PRRC2C: variants seen among roughly 807,000 people sequenced by gnomAD.
PRRC2C encodes protein PRRC2C.
Under a neutral mutation model 317.2 loss-of-function variants are expected in PRRC2C, and 72 were observed. The observed-to-expected ratio is 0.23, with a 90% CI of 0.19 to 0.28. The LOEUF (loss-of-function observed/expected upper bound fraction) is 0.28, where lower values mean the gene tolerates loss of function less well. Ranked by LOEUF, PRRC2C falls within the 10% of genes least tolerant of loss-of-function variation. PRRC2C has a pLI of 1.00. For missense variants in PRRC2C, 3,074 were observed against 3,459.7 expected, an observed-to-expected ratio of 0.89 and a Z score of 2.80; for synonymous variants, 1,296 against 1,205.9, an observed-to-expected ratio of 1.07 and a Z score of -1.55.
intron 1 of PRRC2C, among the ~76,000 whole-genome samples, chr1:171,489,707 T>C (rs758073840): frequency 2.0e-5 from 3 of 152,200 alleles, no homozygotes; most frequent in Non-Finnish European, 4.4e-5. Context: ...AGTAATTTGC[T>C]CAAAGTTACT....
Position 171,542,044 on chromosome 1 carries a change from T to A in PRRC2C, c.4578T>A (p.Val1526=). The A allele has an allele frequency of 1.9e-6, 3 of 1,613,666 alleles. No homozygotes were observed. Among genetic ancestry groups the A allele is most frequent in the Non-Finnish European group, 2.5e-6 (3 of 1,179,816 alleles). ...KKNADLNAQT[V]VKVGENVLPP... ...ATGCTGACTTGAATGCACAAACAGT[T>A]GTAAAGGTTGGAGAGAATGTTCTAC... Residue 1526 remains valine, a synonymous_variant, in exon 16 of 35, where the codon GTT becomes GTA. Coordinates refer to ENST00000647382, the MANE Select transcript of PRRC2C (RefSeq NM_001387844.1).
chr1:171,513,112 A>G lies in PRRC2C; in HGVS notation c.230A>G (p.Asn77Ser). ...AACAAAGGCAATGATCCTAATGTAA[A>G]CATTGTACCTAAAGATGGCACAGGG... Reference protein sequence around the residue: ...AENKGNDPNVNIVPKDGTGWA... With the variant: ...AENKGNDPNVSIVPKDGTGWA... Residue 77 changes from asparagine (N) to serine (S), a missense_variant, in exon 3 of 35, where the codon AAC becomes AGC. Asn to Ser is a conservative substitution (Grantham distance 46). Transcript: ENST00000647382. 2 of 1,613,786 alleles carry G rather than the reference A, an allele frequency of 1.2e-6. No homozygotes were observed. The highest frequency in any genetic ancestry group is 1.7e-6 in the Non-Finnish European group (2 of 1,179,784).
Position 171,522,276 on chromosome 1 carries a change from A to T in PRRC2C, c.833+17A>T, listed in dbSNP as rs1673725952. On this transcript the variant is annotated intron_variant, in intron 7 of 34. Coordinates refer to ENST00000647382, the MANE Select transcript of PRRC2C (RefSeq NM_001387844.1). ...AACAAACAAGTAAGGCTATTAAATG[A>T]TTAAAGTCTGTAAGGAATATATGCT... 2.7e-6 allele frequency: 4 copies of T among 1,506,354 alleles called. No individual in the cohort carries two copies. Among genetic ancestry groups the T allele is most frequent in the Non-Finnish European group, 3.7e-6 (4 of 1,085,268 alleles). The allele number at this position is 1,506,354 out of a possible 1,614,324, so 93.3% of individuals were successfully genotyped here.
intron 5 of PRRC2C, 110 bp downstream of exon 5, chr1:171,515,969 GACTTTGT>G: frequency 8.3e-7 from 1 of 1,201,148 alleles, no homozygotes; most frequent in Non-Finnish European, 1.1e-6. Flanking sequence ...CGAAAAGGCA[GACTTTGT>G]ACTATAGTCA....
chr1:171,535,048 C>T (rs17646340), intron 12 of PRRC2C, among the ~76,000 whole-genome samples: 19,354 of 151,758 alleles, frequency 0.13, 1,619 homozygotes, highest in South Asian at 0.36. Context: ...ATTTATAGGC[C>T]ATTTGTGTTT....
chr1:171,523,559 T>A (rs759447159), intron 9 of PRRC2C, 37 bp downstream of exon 9: 3 of 1,496,250 alleles, frequency 2.0e-6, no homozygotes, highest in Admixed American at 1.8e-5. Context: ...ACAGTATGAA[T>A]TTGTTGATAC....
At chr1:171,495,065 T>A (rs994067879) in intron 1 of PRRC2C, among the ~76,000 whole-genome samples, 2 of 152,238 alleles carry the variant, frequency 1.3e-5, no homozygotes, top group Admixed American at 1.3e-4. Context: ...AGTTTTTCCT[T>A]TGCATTCAGT....
At chr1:171,561,439 C>T (rs1352975988) in intron 20 of PRRC2C, among the ~76,000 whole-genome samples, 1 of 152,136 alleles carries the variant, frequency 6.6e-6, no homozygotes, top group East Asian at 1.9e-4. Context: ...GGTGATAGAG[C>T]AAGACCCCAC....
chr1:171,558,258 A>G, intron 19 of PRRC2C, 115 bp downstream of exon 19: 1 of 1,320,408 alleles, frequency 7.6e-7, no homozygotes, highest in Non-Finnish European at 1.0e-6. Context: ...TTTTTATTGT[A>G]GGAAAAAGTA....
intron 25 of PRRC2C, among the ~76,000 whole-genome samples, chr1:171,575,474 T>C (rs1263279160): frequency 6.6e-6 from 1 of 152,224 alleles, no homozygotes; most frequent in African/African-American, 2.4e-5. Flanking sequence ...CCTAAACCTG[T>C]TGGGATAACG....
chr1:171,571,448 T>TCCAA lies in PRRC2C; in HGVS notation c.6753+29_6753+30insAACC, dbSNP rs761864470. On this transcript the variant is annotated intron_variant, in intron 24 of 34. Transcript: ENST00000647382. ...TATGTACAACATCCATCTCTAAGAGTCCTTAATTGTTGCATGCAAGGGGAC... is the reference window on the plus strand; with the variant it reads ...TATGTACAACATCCATCTCTAAGAGTCCAACCTTAATTGTTGCATGCAAGGGGAC... 56 of 1,498,312 alleles carry TCCAA rather than the reference T, an allele frequency of 3.7e-5. No homozygotes were observed. In the African/African-American group the frequency reaches 7.2e-4, roughly 19 times the overall value. The allele number at this position is 1,498,312 out of a possible 1,614,324, so 92.8% of individuals were successfully genotyped here. A position where few individuals can be genotyped will look rare whatever the true frequency, so the allele number is the denominator to read the frequency against.
At chr1:171,578,565 A>G (rs571461691) in intron 26 of PRRC2C, among the ~76,000 whole-genome samples, 1 of 151,894 alleles carries the variant, frequency 6.6e-6, no homozygotes, top group South Asian at 2.1e-4. Flanking sequence ...AGAACATACT[A>G]CTATATAAAA....
chr1:171,574,851 A>C (rs1346895073), intron 24 of PRRC2C, 76 bp from the exon 25 acceptor site: 2 of 1,337,954 alleles, frequency 1.5e-6, no homozygotes, highest in Non-Finnish European at 2.1e-6. Context: ...GCACTTAAAT[A>C]CTGATACATG....
intron 17 of PRRC2C, among the ~76,000 whole-genome samples, chr1:171,549,475 T>C (rs1221068886): frequency 1.3e-5 from 2 of 152,232 alleles, no homozygotes; most frequent in Non-Finnish European, 2.9e-5. Context: ...GGTTAGGTCA[T>C]AGGATAATTT....
chr1:171,500,911 T>G (rs1322083540), intron 1 of PRRC2C, among the ~76,000 whole-genome samples: 1 of 152,166 alleles, frequency 6.6e-6, no homozygotes, highest in Non-Finnish European at 1.5e-5. Context: ...TTTGTTTTGT[T>G]TTTTGAGACA....
At position 171,589,355 on chromosome 1, in the gene PRRC2C, T is replaced by C; in HGVS notation, c.8200-14T>C. 4 of 1,194,616 alleles carry C rather than the reference T, an allele frequency of 3.3e-6. No individual in the cohort carries two copies. Among genetic ancestry groups the C allele is most frequent in the Non-Finnish European group, 4.4e-6 (4 of 903,848 alleles). The allele number at this position is 1,194,616 out of a possible 1,614,324, so 74.0% of individuals were successfully genotyped here. ...TAACAGTTCAATGTTGTATGTTTTG[T>C]TTTTTTCACTCAGATTCTCTCCCAG... is the stretch of plus-strand genomic sequence containing the variant. On this transcript the variant is annotated splice_polypyrimidine_tract_variant and intron_variant, in intron 33 of 34. Coordinates refer to ENST00000647382, the MANE Select transcript of PRRC2C (RefSeq NM_001387844.1).
At chr1:171,524,677 T>A (rs1482901088) in intron 9 of PRRC2C, 144 bp from the exon 10 acceptor site, 3 of 761,062 alleles carry the variant, frequency 3.9e-6, no homozygotes, top group Non-Finnish European at 6.0e-6. Context: ...AAATTAGCAC[T>A]AATGGGTCAC....
chr1:171,522,772 TC>T (rs1436454599), intron 7 of PRRC2C, among the ~76,000 whole-genome samples: 1 of 152,028 alleles, frequency 6.6e-6, no homozygotes, highest in Admixed American at 6.6e-5. Context: ...AGACTCCGTC[TC>T]AAAACAAAAA....
At chr1:171,576,862 A>G (rs764636069) in intron 25 of PRRC2C, among the ~76,000 whole-genome samples, 2 of 151,828 alleles carry the variant, frequency 1.3e-5, no homozygotes, top group African/African-American at 2.4e-5. Context: ...CTAATTTTTT[A>G]ATTTTGTGTA....
Sources: allele counts gnomAD v4.1 joint callset (sites outside exome capture counted in the v4.1 genomes callset), GRCh38; gene constraint gnomAD v4.1.1; transcripts MANE v1.5; gene names NCBI Gene and HGNC (gene_info 2026-07-23, HGNC 2026-07-21).